The following RPP30 variants were observed in gnomAD, a reference collection of about 807,000 sequenced individuals.
The protein encoded by RPP30 is ribonuclease P protein subunit p30.
Under a neutral mutation model 38.6 loss-of-function variants are expected in RPP30, and 36 were observed. That is an observed-to-expected ratio of 0.93 (90% confidence interval 0.71 to 1.23). The LOEUF (loss-of-function observed/expected upper bound fraction) is 1.23. Ranked by LOEUF, RPP30 falls within the 50% of genes most tolerant of loss-of-function variation. The probability of loss-of-function intolerance (pLI) is 0.00; values close to 1 mark genes in which losing one functional copy is unlikely to be tolerated. For synonymous variants in RPP30, 126 were observed against 112.7 expected, an observed-to-expected ratio of 1.12 and a Z score of -0.75; for missense variants, 321 against 321.7, an observed-to-expected ratio of 1.00 and a Z score of 0.02.
intron 9 of RPP30, among the ~76,000 whole-genome samples, 182 bp from the exon 10 acceptor site, chr10:90,896,131 T>A (rs1234380118): frequency 6.6e-6 from 1 of 152,238 alleles, no homozygotes; most frequent in Non-Finnish European, 1.5e-5. Flanking sequence ...AGGGACTTCA[T>A]ATGATAAAAG....
rs962925180 is a variant in RPP30 at position 90,901,446 on chromosome 10, C to T, written c.*767C>T. The T allele has an allele frequency of 4.1e-6, 4 of 985,096 alleles. No homozygotes were observed. The highest frequency in any genetic ancestry group is 4.8e-6 in the Non-Finnish European group (4 of 829,718). 61.0% of individuals were successfully genotyped at this position (985,096 alleles called of 1,614,324 possible). Reference sequence around the variant, plus strand: ...ATCAGCATTTTTTTCTAAGAAATTGCTATAGAATTTGTGGAAGGAGAGAGG... The same window carrying T: ...ATCAGCATTTTTTTCTAAGAAATTGTTATAGAATTTGTGGAAGGAGAGAGG... On this transcript the variant is annotated 3_prime_UTR_variant, in exon 11 of 11. Coordinates refer to ENST00000371703, the MANE Select transcript of RPP30 (RefSeq NM_006413.5).
rs373314046 is a variant in RPP30 at position 90,895,425 on chromosome 10, A to G, written c.550-29A>G. ...ACTCCTTTTTTTACATTTATCTAAG[A>G]TTAATATTAGTCACTTTCTATTTTG... is the stretch of plus-strand genomic sequence containing the variant. On this transcript the variant is annotated intron_variant, in intron 7 of 10. Transcript: ENST00000371703. The G allele has an allele frequency of 8.9e-5, 111 of 1,252,386 alleles. No homozygotes were observed. In the East Asian group the frequency reaches 1.4e-3, roughly 15 times the overall value. 77.6% of individuals were successfully genotyped at this position (1,252,386 alleles called of 1,614,324 possible). A position where few individuals can be genotyped will look rare whatever the true frequency, so the allele number is the denominator to read the frequency against.
rs184078474 is a variant in RPP30, at chr10:90,889,396, G to T, written c.432+3495G>T. The stretch of plus-strand genomic sequence containing the variant: ...GTGATCTCGGCTCACTGCAGCCTCC[G>T]CCTCCTCAGTTCAAGCAATTCTCCT... On this transcript the variant is annotated intron_variant, in intron 6 of 10. Coordinates refer to ENST00000371703, the MANE Select transcript of RPP30 (RefSeq NM_006413.5). Among the ~76,000 whole-genome samples the T allele has an allele frequency of 9.8e-5, 13 of 133,072 alleles. No individual in the cohort carries two copies. In the South Asian group the frequency reaches 2.8e-3, roughly 28 times the overall value. 87.3% of individuals were successfully genotyped at this position (133,072 alleles called of 152,430 possible).
intron 5 of RPP30, among the ~76,000 whole-genome samples, chr10:90,880,486 G>A (rs1173967001): frequency 6.6e-6 from 1 of 152,088 alleles, no homozygotes; most frequent in African/African-American, 2.4e-5. Flanking sequence ...CTAGCACTTT[G>A]GGAGGCCGAG....
intron 3 of RPP30, 28 bp downstream of exon 3, chr10:90,875,642 A>G (rs983812325): frequency 1.3e-6 from 2 of 1,583,502 alleles, no homozygotes; most frequent in Non-Finnish European, 1.7e-6. Flanking sequence ...TACGAAGCAT[A>G]ATATCTATTT....
intron 7 of RPP30, 68 bp from the exon 8 acceptor site, chr10:90,895,386 A>G (rs1163714744): frequency 6.9e-6 from 6 of 871,778 alleles, no homozygotes; most frequent in Non-Finnish European, 8.8e-6. Flanking sequence ...ATTACTGGCT[A>G]TTTATATTAT....
At position 90,901,353 on chromosome 10, in the gene RPP30, G is replaced by A; in HGVS notation, c.*674G>A. The A allele has an allele frequency of 1.0e-6, 1 of 980,788 alleles. No homozygotes were observed. The highest frequency in any genetic ancestry group is 4.7e-5 in the South Asian group (1 of 21,154). The allele number at this position is 980,788 out of a possible 1,614,324, so 60.8% of individuals were successfully genotyped here. On this transcript the variant is annotated 3_prime_UTR_variant, in exon 11 of 11. Transcript: ENST00000371703. ...ATACTCAAATAGTAGTTATTTTGAAGATATTCAAACTTATATTGAAGAAGT... is the reference window on the plus strand; with the variant it reads ...ATACTCAAATAGTAGTTATTTTGAAAATATTCAAACTTATATTGAAGAAGT...
At chr10:90,885,098 A>G (rs1846980892) in intron 5 of RPP30, among the ~76,000 whole-genome samples, 1 of 151,900 alleles carries the variant, frequency 6.6e-6, no homozygotes, top group African/African-American at 2.4e-5. Context: ...TGTTTATTTT[A>G]TCTTGTATGT....
At chr10:90,883,688 C>G (rs984028765) in intron 5 of RPP30, among the ~76,000 whole-genome samples, 1 of 152,174 alleles carries the variant, frequency 6.6e-6, no homozygotes, top group Non-Finnish European at 1.5e-5. Flanking sequence ...AAGAAAGGAA[C>G]AATGTGTAAG....
chr10:90,895,418 A>T, intron 7 of RPP30, 36 bp from the exon 8 acceptor site: 1 of 1,200,462 alleles, frequency 8.3e-7, no homozygotes, highest in Non-Finnish European at 1.2e-6. Flanking sequence ...TTTTACATTT[A>T]TCTAAGATTA....
At chr10:90,899,155 T>G (rs1237555401) in intron 10 of RPP30, among the ~76,000 whole-genome samples, 2 of 152,248 alleles carry the variant, frequency 1.3e-5, no homozygotes, top group Non-Finnish European at 2.9e-5. Context: ...ATTTTTAGAC[T>G]ATGGGTACAG....
chr10:90,895,896 G>A lies in RPP30; in HGVS notation c.596G>A (p.Gly199Glu). Residue 199 changes from glycine to glutamate, a missense_variant, in exon 9 of 11, where the codon GGG becomes GAG. Coordinates refer to ENST00000371703, the MANE Select transcript of RPP30 (RefSeq NM_006413.5). ...TTATTTCAGCCTTTAGAAATAAGAG[G>A]GCCATATGACGTGGCAAATCTGTAT... ...SAAERPLEIR[G>E]PYDVANLGLL... The A allele has an allele frequency of 6.3e-7, 1 of 1,597,120 alleles. No individual in the cohort carries two copies. Among genetic ancestry groups the A allele is most frequent in the South Asian group, 1.1e-5 (1 of 87,222 alleles).
intron 2 of RPP30, 84 bp downstream of exon 2, chr10:90,875,008 T>C: frequency 2.3e-6 from 2 of 857,366 alleles, no homozygotes; most frequent in Non-Finnish European, 3.6e-6. Flanking sequence ...AGCTACAGAT[T>C]AGAATATTTC....
At chr10:90,906,839 C>CGCA (rs1847258656), downstream of RPP30, among the ~76,000 whole-genome samples, 1 of 152,084 alleles carries the variant, frequency 6.6e-6, no homozygotes, top group Admixed American at 6.6e-5. Context: ...TGTGGTGTGC[C>CGCA]CTTCACTGAA....
chr10:90,904,946 C>T (rs1847238259), downstream of RPP30, among the ~76,000 whole-genome samples: 1 of 151,990 alleles, frequency 6.6e-6, no homozygotes, highest in South Asian at 2.1e-4. Flanking sequence ...CATAGTAAAT[C>T]CAGGTAGATT....
chr10:90,893,819 T>G (rs913332594), intron 6 of RPP30, among the ~76,000 whole-genome samples: 1 of 152,238 alleles, frequency 6.6e-6, no homozygotes, highest in Non-Finnish European at 1.5e-5. Flanking sequence ...CCCACTAAAA[T>G]GTAAGCTTTT....
At chr10:90,884,415 A>G (rs987151715) in intron 5 of RPP30, among the ~76,000 whole-genome samples, 1 of 152,190 alleles carries the variant, frequency 6.6e-6, no homozygotes, top group African/African-American at 2.4e-5. Context: ...GGTAGTACCA[A>G]ACTTTTTTAT....
At chr10:90,889,182 A>G (rs1438794853) in intron 6 of RPP30, among the ~76,000 whole-genome samples, 1 of 152,118 alleles carries the variant, frequency 6.6e-6, no homozygotes, top group African/African-American at 2.4e-5. Flanking sequence ...AAGTATGGAA[A>G]TGTATACATT....
Position 90,901,540 on chromosome 10 carries a change from G to A in RPP30, c.*861G>A, listed in dbSNP as rs984479442. 66 of 985,026 alleles carry A rather than the reference G, an allele frequency of 6.7e-5. No homozygotes were observed. The highest frequency in any genetic ancestry group is 4.4e-4 in the African/African-American group (25 of 57,164). 61.0% of individuals were successfully genotyped at this position (985,026 alleles called of 1,614,324 possible). On this transcript the variant is annotated 3_prime_UTR_variant, in exon 11 of 11. Transcript: ENST00000371703. The stretch of plus-strand genomic sequence containing the variant: ...ATGCCTACGTAAGGTCTTTGAAATA[G>A]GATTCCTTACTTTTAGTTAGAAACC...
Sources: allele counts gnomAD v4.1 joint callset (sites outside exome capture counted in the v4.1 genomes callset), GRCh38; gene constraint gnomAD v4.1.1; transcripts MANE v1.5; gene names NCBI Gene and HGNC (gene_info 2026-07-23, HGNC 2026-07-21).